The following ZFPM2 variants were observed in gnomAD, a reference collection of about 807,000 sequenced individuals.
ZFPM2 encodes the protein zinc finger protein ZFPM2.
ZFPM2 carries 20 observed loss-of-function variants against 98.6 expected under a neutral mutation model. The observed-to-expected ratio is 0.20, with a 90% CI of 0.14 to 0.29. The LOEUF (loss-of-function observed/expected upper bound fraction) is 0.29. Ranked by LOEUF, ZFPM2 falls within the 10% of genes least tolerant of loss-of-function variation. The pLI, the probability that ZFPM2 is intolerant of heterozygous loss-of-function variation, is 1.00. For synonymous variants in ZFPM2, 518 were observed against 502.7 expected, an observed-to-expected ratio of 1.03 and a Z score of -0.41; for missense variants, 1,310 against 1,388.6, an observed-to-expected ratio of 0.94 and a Z score of 0.90.
chr8:105,752,488 C>T (rs940245310), intron 5 of ZFPM2, among the ~76,000 whole-genome samples: 1 of 152,160 alleles, frequency 6.6e-6, no homozygotes. Flanking sequence ...TTGTCATAAA[C>T]AGGAAACAGT....
intron 5 of ZFPM2, among the ~76,000 whole-genome samples, chr8:105,758,013 G>C (rs1176512759): frequency 6.6e-6 from 1 of 152,138 alleles, no homozygotes; most frequent in African/African-American, 2.4e-5. Flanking sequence ...ATATTGGAGA[G>C]TAAAGGAATT....
intron 1 of ZFPM2, among the ~76,000 whole-genome samples, chr8:105,404,042 A>ACAACAACAG (rs1322048908): frequency 3.6e-5 from 5 of 138,156 alleles, no homozygotes; most frequent in East Asian, 2.0e-4. Context: ...AACAACAACA[A>ACAACAACAG]CAGCAGCATA....
chr8:105,625,982 AAGAG>A (rs1554622641), intron 4 of ZFPM2, among the ~76,000 whole-genome samples: 1 of 151,764 alleles, frequency 6.6e-6, no homozygotes, highest in African/African-American at 2.4e-5. Context: ...AAAAAAAAAA[AAGAG>A]AAAGAAAGAA....
At chr8:105,379,658 C>T (rs1275941476) in intron 1 of ZFPM2, among the ~76,000 whole-genome samples, 2 of 150,794 alleles carry the variant, frequency 1.3e-5, no homozygotes, top group African/African-American at 2.4e-5. Context: ...GAGGCTGAGG[C>T]GAGAGAATTA....
At chr8:105,590,963 G>T (rs75934545) in intron 4 of ZFPM2, among the ~76,000 whole-genome samples, 2,989 of 152,226 alleles carry the variant, frequency 0.02, 151 homozygotes, top group East Asian at 0.13. Flanking sequence ...GGGATTAAAG[G>T]GCTAATGTAA....
At chr8:105,726,278 G>C (rs1811804136) in intron 5 of ZFPM2, among the ~76,000 whole-genome samples, 1 of 151,514 alleles carries the variant, frequency 6.6e-6, no homozygotes, top group Non-Finnish European at 1.5e-5. Flanking sequence ...ATTTTTTACT[G>C]TTGACTTCTA....
intron 4 of ZFPM2, among the ~76,000 whole-genome samples, chr8:105,611,700 A>AT (rs567136494): frequency 0.1 from 14,615 of 143,490 alleles, 921 homozygotes; most frequent in Middle Eastern, 0.21. Flanking sequence ...ACAAAAAAAA[A>AT]TTTTTTTTTT....
intron 4 of ZFPM2, among the ~76,000 whole-genome samples, chr8:105,578,414 C>CCA (rs1554618815): frequency 6.6e-6 from 1 of 151,654 alleles, no homozygotes; most frequent in Non-Finnish European, 1.5e-5. Flanking sequence ...TGTTTTACTC[C>CCA]AGTTTCTCCA....
At chr8:105,774,344 G>A (rs1317606625) in intron 5 of ZFPM2, among the ~76,000 whole-genome samples, 1 of 152,090 alleles carries the variant, frequency 6.6e-6, no homozygotes, top group Non-Finnish European at 1.5e-5. Flanking sequence ...ATAATTATAT[G>A]TTATAATTAA....
intron 1 of ZFPM2, among the ~76,000 whole-genome samples, chr8:105,346,196 A>G (rs957100189): frequency 6.6e-6 from 1 of 151,824 alleles, no homozygotes; most frequent in Admixed American, 6.6e-5. Context: ...GAGCAGCCTA[A>G]CCAACATGGA....
intron 5 of ZFPM2, among the ~76,000 whole-genome samples, chr8:105,707,382 AG>A (rs1323925485): frequency 9.8e-5 from 15 of 152,310 alleles, no homozygotes; most frequent in African/African-American, 3.6e-4. Flanking sequence ...AGAAAGCAAA[AG>A]AAGGTGTGCA....
At chr8:105,393,330 C>CTT (rs1245789213) in intron 1 of ZFPM2, among the ~76,000 whole-genome samples, 1 of 132,834 alleles carries the variant, frequency 7.5e-6, no homozygotes, top group Admixed American at 7.5e-5. Context: ...CCCTCTCTCT[C>CTT]TCTTTGCCTT....
chr8:105,441,072 T>C (rs1171516745), intron 2 of ZFPM2, among the ~76,000 whole-genome samples: 1 of 152,002 alleles, frequency 6.6e-6, no homozygotes, highest in Non-Finnish European at 1.5e-5. Context: ...GAAGAATCAC[T>C]TGAACCCGGG....
chr8:105,420,198 C>A (rs1277826772), intron 2 of ZFPM2, among the ~76,000 whole-genome samples: 1 of 151,990 alleles, frequency 6.6e-6, no homozygotes, highest in Non-Finnish European at 1.5e-5. Context: ...GTTTTTTATG[C>A]AGATAAATAT....
At chr8:105,330,066 G>A (rs1306486701) in intron 1 of ZFPM2, among the ~76,000 whole-genome samples, 2 of 151,584 alleles carry the variant, frequency 1.3e-5, no homozygotes, top group Non-Finnish European at 3.0e-5. Context: ...AGGCAAGCAG[G>A]CAGGCTGGCA....
At chr8:105,668,940 A>G (rs1380784631) in intron 5 of ZFPM2, among the ~76,000 whole-genome samples, 2 of 152,198 alleles carry the variant, frequency 1.3e-5, no homozygotes, top group African/African-American at 4.8e-5. Flanking sequence ...AAATTGGTAA[A>G]CTAGTTGATG....
chr8:105,532,193 A>G (rs2130586271), intron 3 of ZFPM2, among the ~76,000 whole-genome samples: 1 of 152,238 alleles, frequency 6.6e-6, no homozygotes, highest in South Asian at 2.1e-4. Context: ...TGAGCTACCA[A>G]GCCCGGCCCC....
chr8:105,662,011 C>T (rs1182053297), intron 5 of ZFPM2, among the ~76,000 whole-genome samples: 5 of 151,990 alleles, frequency 3.3e-5, no homozygotes, highest in East Asian at 1.9e-4. Flanking sequence ...ATGATACATC[C>T]GTGGATAAAA....
intron 5 of ZFPM2, among the ~76,000 whole-genome samples, chr8:105,764,199 A>G (rs1236632106): frequency 2.6e-5 from 4 of 151,680 alleles, no homozygotes; most frequent in Non-Finnish European, 5.9e-5. Flanking sequence ...CTTGTGATAC[A>G]TGAACCAAAC....
Sources: allele counts gnomAD v4.1 joint callset (sites outside exome capture counted in the v4.1 genomes callset), GRCh38; gene constraint gnomAD v4.1.1; transcripts MANE v1.5; gene names NCBI Gene and HGNC (gene_info 2026-07-23, HGNC 2026-07-21).